FBXL19: variants seen among roughly 807,000 people sequenced by gnomAD.
The protein encoded by FBXL19 is F-box/LRR-repeat protein 19.
A neutral mutation model predicts 71.2 loss-of-function variants in FBXL19; 16 were observed. That is an observed-to-expected ratio of 0.22 (90% CI 0.15 to 0.34). The LOEUF (loss-of-function observed/expected upper bound fraction) is 0.34. FBXL19 is among the 10% of genes least tolerant of loss of function. FBXL19 has a pLI of 1.00. For missense variants in FBXL19, 658 were observed against 968.2 expected (o/e 0.68, Z 4.25); for synonymous variants, 447 against 409.4 (o/e 1.09, Z -1.11).
chr16:30,935,629 G>T (rs998190777), intron 7 of FBXL19, among the ~76,000 whole-genome samples: 3 of 151,984 alleles, frequency 2.0e-5, no homozygotes, highest in African/African-American at 7.2e-5. Flanking sequence ...TGGTAGCATC[G>T]GGGCCCAGAG....
chr16:30,947,243 C>CT lies in FBXL19; in HGVS notation c.*13_*14insT, dbSNP rs2055870048. On this transcript the variant is annotated 3_prime_UTR_variant, in exon 11 of 11. Transcript: ENST00000338343. ...CAAGGACAGCTAGTTGGGCGCCCCC[C>CT]ACCCTCCCCCGGACTCGACAGGAGC... 6.4e-7 allele frequency: 1 copy of CT among 1,561,080 alleles called. No homozygotes were observed. The highest frequency in any genetic ancestry group is 1.8e-5 in the Admixed American group (1 of 56,624).
intron 7 of FBXL19, among the ~76,000 whole-genome samples, chr16:30,936,062 T>G (rs1221447287): frequency 6.6e-6 from 1 of 152,188 alleles, no homozygotes; most frequent in African/African-American, 2.4e-5. Context: ...CTGAGCTGTG[T>G]CCCTTCCTTG....
rs2055553135 is a variant in FBXL19, at chr16:30,923,682, CCCCCTT to C, written c.-795_-790del. Among the ~76,000 whole-genome samples the C allele has an allele frequency of 6.6e-6, 1 of 151,750 alleles. No homozygotes were observed. Among genetic ancestry groups the C allele is most frequent in the Non-Finnish European group, 1.5e-5 (1 of 67,878 alleles). The stretch of plus-strand genomic sequence containing the variant: ...CAGGGGGGCTGAGACACCCCAACTG[CCCCCTT>C]CCCCTTTCCCTCTCCCCCTCTATCC... On this transcript the variant is annotated 5_prime_UTR_variant, in exon 1 of 11. Transcript: ENST00000338343.
intron 7 of FBXL19, among the ~76,000 whole-genome samples, chr16:30,937,907 G>C (rs1173573424): frequency 6.6e-6 from 1 of 152,134 alleles, no homozygotes; most frequent in Non-Finnish European, 1.5e-5. Flanking sequence ...AGGCAGTCGT[G>C]GCAGGGTCAC....
rs1043384036 is a variant in FBXL19 at position 30,924,468 on chromosome 16, A to G, written c.-25+9A>G. 4 of 425,938 alleles carry G rather than the reference A, an allele frequency of 9.4e-6. No homozygotes were observed. In the East Asian group the frequency reaches 1.6e-4, roughly 17 times the overall value. 26.4% of individuals were successfully genotyped at this position (425,938 alleles called of 1,614,324 possible). On this transcript the variant is annotated intron_variant, in intron 1 of 10. Transcript: ENST00000338343. ...CCCGGGACACGTGTGAGGTGGGTTC[A>G]TGCGGCTCCTCCTCACCCCCAGACC...
intron 5 of FBXL19, 58 bp from the exon 6 acceptor site, chr16:30,928,409 C>A: frequency 6.9e-7 from 1 of 1,457,208 alleles, no homozygotes; most frequent in East Asian, 2.6e-5. Flanking sequence ...AGATTTCTGG[C>A]CCATGAGGGC....
Position 30,942,121 on chromosome 16 carries a change from A to G in FBXL19, c.1307A>G (p.Tyr436Cys). 6.3e-7 allele frequency: 1 copy of G among 1,580,968 alleles called. No homozygotes were observed. Among genetic ancestry groups the G allele is most frequent in the Non-Finnish European group, 8.6e-7 (1 of 1,159,032 alleles). Residue 436 changes from tyrosine to cysteine, a missense_variant, in exon 8 of 11, where the codon TAT (tyrosine) becomes TGT (cysteine). Physicochemically the swap from Tyr to Cys is radical, Grantham distance 194. This residue lies in a region of FBXL19 where 38 missense variants were observed against 92.3 expected (regional missense o/e 0.41). Coordinates refer to ENST00000338343, the MANE Select transcript of FBXL19 (RefSeq NM_001382779.1). The surrounding 1 kb of genome is among the most constrained non-coding windows in gnomAD (Gnocchi z 5.7). ...CTCCCCCCTATGGCCGCCAGGTGCT[A>G]TGACAAGCGTCTGTGGCCTCGAATG... ...RVCRTWSRWC[Y>C]DKRLWPRMDL...
chr16:30,930,400 C>A lies in FBXL19; in HGVS notation c.1117C>A (p.Arg373=). Residue 373 remains arginine (R), a synonymous_variant, in exon 7 of 11, where the codon CGG becomes AGG. Transcript: ENST00000338343. The surrounding 1 kb of genome is among the most constrained non-coding windows in gnomAD (Gnocchi z 8.5). The part of the protein sequence containing the change: ...SWPLGPAPPP[R]PPQLERHVVR... ...GCCCCTGGGCCCAGCCCCACCACCC[C>A]GGCCTCCACAGCTGGAGCGGCACGT... 6.5e-7 allele frequency: 1 copy of A among 1,529,976 alleles called. No individual in the cohort carries two copies. Among genetic ancestry groups the A allele is most frequent in the South Asian group, 1.2e-5 (1 of 83,048 alleles). 94.8% of individuals were successfully genotyped at this position (1,529,976 alleles called of 1,614,324 possible). A position where few individuals can be genotyped will look rare whatever the true frequency, so the allele number is the denominator to read the frequency against.
intron 7 of FBXL19, among the ~76,000 whole-genome samples, chr16:30,932,287 C>T (rs1463422581): frequency 1.3e-5 from 2 of 151,962 alleles, no homozygotes; most frequent in Non-Finnish European, 2.9e-5. Flanking sequence ...TAGATCTGTG[C>T]CCTTGAAGAG....
rs1210808433 is a variant in FBXL19 at position 30,923,576 on chromosome 16, G to GAGGAGGA, written c.-895_-889dup. On this transcript the variant is annotated 5_prime_UTR_variant, in exon 1 of 11. Coordinates refer to ENST00000338343, the MANE Select transcript of FBXL19 (RefSeq NM_001382779.1). ...AGGGAGGGGAGGGGAGGGGGGAAGA[G>GAGGAGGA]AGGAGGAAGGAGGAAGGAGCTGAGG... Among the ~76,000 whole-genome samples, 2 of 148,482 alleles carry GAGGAGGA rather than the reference G, an allele frequency of 1.3e-5. No individual in the cohort carries two copies. The highest frequency in any genetic ancestry group is 3.0e-5 in the Non-Finnish European group (2 of 66,720).
chr16:30,932,810 G>A (rs1596652551), intron 7 of FBXL19, among the ~76,000 whole-genome samples: 1 of 152,162 alleles, frequency 6.6e-6, no homozygotes, highest in South Asian at 2.1e-4. Context: ...ACAGAAGCAG[G>A]GGTAGTGGGG....
At position 30,923,769 on chromosome 16, in the gene FBXL19, C is replaced by A. The variant is rs192205338; in HGVS notation, c.-715C>A. Among the ~76,000 whole-genome samples, 1 of 150,620 alleles carries A rather than the reference C, an allele frequency of 6.6e-6. No homozygotes were observed. Among genetic ancestry groups the A allele is most frequent in the African/African-American group, 2.4e-5 (1 of 40,880 alleles). ...GATTTATTCAAATTTTATTTAAATC[C>A]CTATCTCCCGAGGGTCGCGCGCTTG... On this transcript the variant is annotated 5_prime_UTR_variant, in exon 1 of 11. Transcript: ENST00000338343.
rs993390550 is a variant in FBXL19, at chr16:30,942,342, A to T, written c.1466-33A>T. 10 of 1,605,066 alleles carry T rather than the reference A, an allele frequency of 6.2e-6. No homozygotes were observed. Among genetic ancestry groups the T allele is most frequent in the Non-Finnish European group, 8.5e-6 (10 of 1,174,948 alleles). ...GACAGGCCTGGGATGGAGTCCTCAC[A>T]GCACCTGCTTCCTGACTGCCCCCTC... On this transcript the variant is annotated intron_variant, in intron 8 of 10. Transcript: ENST00000338343. The surrounding 1 kb of genome is among the most constrained non-coding windows in gnomAD (Gnocchi z 5.7).
intron 7 of FBXL19, among the ~76,000 whole-genome samples, chr16:30,936,616 T>G (rs1400754158): frequency 1.3e-5 from 2 of 148,166 alleles, no homozygotes; most frequent in Admixed American, 1.3e-4. Flanking sequence ...TTTTTTTTTT[T>G]TTTTGTTTTT....
In FBXL19 at chr16:30,942,424, C is replaced by T. The variant is rs1364546389; in HGVS notation, c.1515C>T (p.Ala505=). Reference sequence around the variant, plus strand: ...GCTGCTCCTGGCTCTCTGTCTCTGCCCTGGGCTCAGCCCCACTGCCAGCCC... The same window carrying T: ...GCTGCTCCTGGCTCTCTGTCTCTGCTCTGGGCTCAGCCCCACTGCCAGCCC... The part of the protein sequence containing the change: ...LSGCSWLSVS[A]LGSAPLPALR... The change falls in exon 9 of 11, where the codon GCC becomes GCT. Residue 505 remains alanine, a synonymous_variant. Coordinates refer to ENST00000338343, the MANE Select transcript of FBXL19 (RefSeq NM_001382779.1). This position sits in a 1 kb window ranked among gnomAD's most constrained non-coding sequence, Gnocchi z 5.7. The T allele has an allele frequency of 6.2e-7, 1 of 1,608,936 alleles. No individual in the cohort carries two copies. The highest frequency in any genetic ancestry group is 1.3e-5 in the African/African-American group (1 of 74,926).
At chr16:30,926,060 C>G (rs2055587020) in intron 2 of FBXL19, 129 bp downstream of exon 2, 1 of 1,328,838 alleles carries the variant, frequency 7.5e-7, no homozygotes, top group African/African-American at 1.5e-5. Flanking sequence ...TCCCTTCATT[C>G]ACTAGTTTGT....
Position 30,947,551 on chromosome 16 carries a change from G to A in FBXL19, c.*321G>A, listed in dbSNP as rs973455708. The stretch of plus-strand genomic sequence containing the variant: ...GGGTTATGGTGCAAGTGTTGGGGGG[G>A]AGAATGGGGAAAGGACACACACAGG... On this transcript the variant is annotated 3_prime_UTR_variant, in exon 11 of 11. Coordinates refer to ENST00000338343, the MANE Select transcript of FBXL19 (RefSeq NM_001382779.1). 5 of 315,106 alleles carry A rather than the reference G, an allele frequency of 1.6e-5. No individual in the cohort carries two copies. Among genetic ancestry groups the A allele is most frequent in the South Asian group, 8.1e-5 (3 of 37,022 alleles). The allele number at this position is 315,106 out of a possible 1,614,324, so 19.5% of individuals were successfully genotyped here.
At position 30,927,882 on chromosome 16, in the gene FBXL19, G is replaced by C. The variant is rs553383049; in HGVS notation, c.546G>C (p.Gly182=). 1.4e-5 allele frequency: 22 copies of C among 1,520,558 alleles called. No homozygotes were observed. The African/African-American group carries it at 1.5e-4, about 11-fold the overall frequency. 94.2% of individuals were successfully genotyped at this position (1,520,558 alleles called of 1,614,324 possible). The change falls in exon 5 of 11, where the codon GGG becomes GGC. Residue 182 remains glycine (G), a synonymous_variant. Transcript: ENST00000338343. Reference sequence around the variant, plus strand: ...GGCGCAAGGGCCCCCTGCCTGCCGGGCCCCCCCCGGAGGACGTGCCTGGGC... The same window carrying C: ...GGCGCAAGGGCCCCCTGCCTGCCGGCCCCCCCCCGGAGGACGTGCCTGGGC... The part of the protein sequence containing the change: ...PPRRKGPLPA[G]PPPEDVPGPP...
chr16:30,941,169 C>T (rs2055798198), intron 7 of FBXL19, among the ~76,000 whole-genome samples: 2 of 152,100 alleles, frequency 1.3e-5, no homozygotes, highest in South Asian at 4.1e-4. Flanking sequence ...TAGTTACTAG[C>T]TTGATTCATT....
Sources: allele counts gnomAD v4.1 joint callset (sites outside exome capture counted in the v4.1 genomes callset), GRCh38; gene constraint gnomAD v4.1.1; regional missense constraint gnomAD v4.1.1; non-coding constraint Gnocchi (gnomAD v3.1); transcripts MANE v1.5; gene names NCBI Gene and HGNC (gene_info 2026-07-23, HGNC 2026-07-21).